The following SRCIN1 variants were observed in gnomAD, a reference collection of about 807,000 sequenced individuals.
The protein encoded by SRCIN1 is P130Cas-associated protein.
SRCIN1 carries 50 observed loss-of-function variants against 116.2 expected under a neutral mutation model. The observed-to-expected ratio is 0.43, with a 90% CI of 0.34 to 0.54. SRCIN1 has a LOEUF of 0.54. Ranked by LOEUF, SRCIN1 falls within the 20% of genes least tolerant of loss-of-function variation. SRCIN1 has a pLI of 0.02. For synonymous variants in SRCIN1, 736 were observed against 750.0 expected (o/e 0.98, Z 0.30); for missense variants, 1,446 against 1,672.0 (o/e 0.86, Z 2.36).
At chr17:38,542,757 C>G (rs1567851591) in intron 18 of SRCIN1, 1 of 214,192 alleles carries the variant, frequency 4.7e-6, no homozygotes, top group East Asian at 1.0e-4. Flanking sequence ...GGCTGTGATG[C>G]CACCTTGCTG....
In SRCIN1 at chr17:38,543,886, G is replaced by A. The variant is rs1177726003; in HGVS notation, c.3354C>T (p.Ser1118=). ...RLKAAQGQAG[S]PDKSKHGKQR... is the part of the protein sequence containing the mutation. ...GCTTGCCATGTTTGCTTTTGTCGGG[G>A]CTGCCCGCCTGGCCCTGGGCCGCCT... The change falls in exon 18 of 19, where the codon AGC becomes AGT. Residue 1118 remains serine (S), a synonymous_variant. Transcript: ENST00000617146. 6.2e-7 allele frequency: 1 copy of A among 1,607,330 alleles called. No individual in the cohort carries two copies. The highest frequency in any genetic ancestry group is 8.5e-7 in the Non-Finnish European group (1 of 1,179,712).
chr17:38,537,766 G>A (rs1733574823), intron 18 of SRCIN1, among the ~76,000 whole-genome samples: 1 of 149,926 alleles, frequency 6.7e-6, no homozygotes, highest in Admixed American at 6.7e-5. Context: ...ACTCCAGCCT[G>A]GGCAACAGAG....
At chr17:38,556,413 G>A (rs1905796006) in intron 11 of SRCIN1, among the ~76,000 whole-genome samples, 1 of 152,260 alleles carries the variant, frequency 6.6e-6, no homozygotes, top group African/African-American at 2.4e-5. Context: ...GACCTTAAGT[G>A]CTGGGCTAGA....
intron 11 of SRCIN1, among the ~76,000 whole-genome samples, chr17:38,553,412 C>A (rs796367758): frequency 4.6e-5 from 7 of 152,342 alleles, no homozygotes; most frequent in African/African-American, 1.7e-4. Flanking sequence ...GCAATATCTG[C>A]CCGAGTATCT....
In SRCIN1 at chr17:38,558,402, G is replaced by C; in HGVS notation, c.2026C>G (p.Leu676Val). ...GCGCGCACCGACTCCTGGTTCTGTA[G>C]CTGCGGGACGCACGGACGGATGGAC... is the stretch of plus-strand genomic sequence containing the variant. ...GQLQQLRKLQLQNQESVRALL... is the reference protein window; with the variant it reads ...GQLQQLRKLQVQNQESVRALL... The change falls in exon 11 of 19, where the codon CTA (leucine) becomes GTA (valine). Residue 676 changes from leucine to valine, a missense_variant and splice_region_variant. Physicochemically the swap from Leu to Val is conservative, Grantham distance 32 (BLOSUM62 1). Transcript: ENST00000617146. This position sits in a 1 kb window ranked among gnomAD's most constrained non-coding sequence, Gnocchi z 4.6. 1 of 1,594,854 alleles carries C rather than the reference G, an allele frequency of 6.3e-7. No homozygotes were observed. Among genetic ancestry groups the C allele is most frequent in the Non-Finnish European group, 8.5e-7 (1 of 1,175,632 alleles).
chr17:38,575,045 AG>A, intron 2 of SRCIN1: 1 of 399,548 alleles, frequency 2.5e-6, no homozygotes. Flanking sequence ...TGTGATTGGG[AG>A]GGAAGGGCAT....
rs536007542 is a variant in SRCIN1 at position 38,563,469 on chromosome 17, G to T, written c.594C>A (p.His198Gln). 5 of 1,556,284 alleles carry T rather than the reference G, an allele frequency of 3.2e-6. No homozygotes were observed. The highest frequency in any genetic ancestry group is 2.7e-5 in the African/African-American group (2 of 73,460). Reference sequence around the variant, plus strand: ...GCAGCGTGTCCAGGCTGCTGACCTCGTGCGTGATGTGCACGCGCCGAGTCT... The same window carrying T: ...GCAGCGTGTCCAGGCTGCTGACCTCTTGCGTGATGTGCACGCGCCGAGTCT... ...GEETRRVHIT[H>Q]EVSSLDTLHA... Residue 198 changes from histidine to glutamine, a missense_variant, in exon 5 of 19, where the codon CAC becomes CAA. Around this residue, in one of 5 missense-constraint regions of SRCIN1, gnomAD observed 32 missense variants for 69.7 expected, o/e 0.46. Coordinates refer to ENST00000617146, the MANE Select transcript of SRCIN1 (RefSeq NM_025248.3). The surrounding 1 kb of genome is among the most constrained non-coding windows in gnomAD (Gnocchi z 5.8).
At chr17:38,567,340 A>G (rs752705676) in intron 3 of SRCIN1, among the ~76,000 whole-genome samples, 1 of 152,210 alleles carries the variant, frequency 6.6e-6, no homozygotes, top group Non-Finnish European at 1.5e-5. Context: ...TATGGAATTC[A>G]CCACTACGCA....
intron 18 of SRCIN1, chr17:38,542,945 C>T: frequency 2.5e-6 from 1 of 399,590 alleles, no homozygotes; most frequent in South Asian, 1.8e-5. Context: ...CCCACCCTCA[C>T]ACCCAGAATG....
At chr17:38,567,385 C>T (rs1046016800) in intron 3 of SRCIN1, among the ~76,000 whole-genome samples, 2 of 152,192 alleles carry the variant, frequency 1.3e-5, no homozygotes, top group African/African-American at 4.8e-5. Flanking sequence ...TAACCACTAC[C>T]CTCAACTGCC....
chr17:38,576,888 C>T (rs780021738), intron 2 of SRCIN1, among the ~76,000 whole-genome samples: 2 of 152,036 alleles, frequency 1.3e-5, no homozygotes, highest in South Asian at 2.1e-4. Context: ...CCTCCAGTCC[C>T]GCTTCTCCCC....
At chr17:38,596,637 C>A (rs556832381) in intron 1 of SRCIN1, among the ~76,000 whole-genome samples, 1 of 152,226 alleles carries the variant, frequency 6.6e-6, no homozygotes, top group African/African-American at 2.4e-5. Context: ...GGCTTGCCAT[C>A]ATTCCCCTGG....
At chr17:38,588,588 G>GAGT (rs1908270047) in intron 1 of SRCIN1, among the ~76,000 whole-genome samples, 1 of 152,202 alleles carries the variant, frequency 6.6e-6, no homozygotes, top group Non-Finnish European at 1.5e-5. Flanking sequence ...GAGGCTGCCA[G>GAGT]GGCGTCTTCT....
At chr17:38,550,502 TA>T in intron 15 of SRCIN1, among the ~76,000 whole-genome samples, 1 of 151,638 alleles carries the variant, frequency 6.6e-6, no homozygotes, top group East Asian at 1.9e-4. Flanking sequence ...TCAAAAACAA[TA>T]AATAAATAAA....
rs1368515803 is a variant in SRCIN1, at chr17:38,572,382, T to G, written c.325-4151A>C. Among the ~76,000 whole-genome samples the G allele has an allele frequency of 6.6e-6, 1 of 150,718 alleles. No homozygotes were observed. Among genetic ancestry groups the G allele is most frequent in the African/African-American group, 2.4e-5 (1 of 40,850 alleles). ...TGTGGGTGGGTGGGTGGGGGTGCTG[T>G]GGGACGCTGGGGAAGAGGGCGCACC... On this transcript the variant is annotated intron_variant, in intron 2 of 18. Transcript: ENST00000617146. This position sits in a 1 kb window ranked among gnomAD's most constrained non-coding sequence, Gnocchi z 4.3.
In SRCIN1 at chr17:38,548,964, G is replaced by A. The variant is rs1905229724; in HGVS notation, c.3117+92C>T. The A allele has an allele frequency of 1.1e-5, 15 of 1,400,948 alleles. No homozygotes were observed. The South Asian group carries it at 1.4e-4, about 13-fold the overall frequency. The allele number at this position is 1,400,948 out of a possible 1,614,324, so 86.8% of individuals were successfully genotyped here. A position where few individuals can be genotyped will look rare whatever the true frequency, so the allele number is the denominator to read the frequency against. On this transcript the variant is annotated intron_variant, in intron 16 of 18. Transcript: ENST00000617146. ...TCCTTCCATGTTCTCTGAGAAAGGGGTCTCTTTCCCACCCCAGAGGGCCTC... is the reference window on the plus strand; with the variant it reads ...TCCTTCCATGTTCTCTGAGAAAGGGATCTCTTTCCCACCCCAGAGGGCCTC...
At chr17:38,554,287 G>A (rs1014970119) in intron 11 of SRCIN1, among the ~76,000 whole-genome samples, 4 of 152,032 alleles carry the variant, frequency 2.6e-5, no homozygotes, top group Non-Finnish European at 2.9e-5. Context: ...AGGAAAGCAC[G>A]CGGCAAAGGG....
intron 10 of SRCIN1, 129 bp downstream of exon 10, chr17:38,559,456 C>T: frequency 2.1e-6 from 2 of 953,588 alleles, no homozygotes; most frequent in Non-Finnish European, 3.0e-6. Context: ...GGCCAGTGAG[C>T]GGCGAAGGAC....
In SRCIN1 at chr17:38,548,718, C is replaced by G; in HGVS notation, c.3118-9G>C. On this transcript the variant is annotated splice_polypyrimidine_tract_variant and intron_variant, in intron 16 of 18. Transcript: ENST00000617146. ...TCCTCGGACTCAGCCTTCTGCAAGGCCCGGGACTCCTGTCAAGGCCAGGCT... is the reference window on the plus strand; with the variant it reads ...TCCTCGGACTCAGCCTTCTGCAAGGGCCGGGACTCCTGTCAAGGCCAGGCT... 6.3e-7 allele frequency: 1 copy of G among 1,582,148 alleles called. No homozygotes were observed.
Sources: gnomAD v4.1 joint callset for allele counts (sites outside exome capture counted in the v4.1 genomes callset) on GRCh38, gnomAD v4.1.1 for gene constraint, gnomAD v4.1.1 regional missense constraint, Gnocchi (gnomAD v3.1) non-coding constraint, MANE v1.5 for transcripts, NCBI Gene and HGNC (gene_info 2026-07-23, HGNC 2026-07-21) for gene names.